MAPKBP1: variants seen among roughly 807,000 people sequenced by gnomAD.
The protein encoded by MAPKBP1 is mitogen-activated protein kinase-binding protein 1.
In MAPKBP1, 71 loss-of-function variants were observed where a neutral mutation model predicts 170.5. The ratio of observed to expected loss-of-function variants is 0.42; its 90% confidence interval spans 0.34 to 0.51. The LOEUF (loss-of-function observed/expected upper bound fraction) is 0.51. Among genes scored for constraint, MAPKBP1 ranks in the 20% least tolerant of loss-of-function variants. MAPKBP1 has a pLI of 0.06. For synonymous variants in MAPKBP1, 719 were observed against 757.9 expected, an observed-to-expected ratio of 0.95 and a Z score of 0.84; for missense variants, 1,598 against 1,933.0, an observed-to-expected ratio of 0.83 and a Z score of 3.25.
In MAPKBP1 at chr15:41,821,638, A is replaced by T. The variant is rs1184390084; in HGVS notation, c.2773A>T (p.Ile925Phe). Residue 925 changes from isoleucine to phenylalanine, a missense_variant, in exon 24 of 31, where the codon ATC becomes TTC. Transcript: ENST00000457542. Reference protein sequence around the residue: ...ASQPCSYPHIIRLLSQEEGVF... With the variant: ...ASQPCSYPHIFRLLSQEEGVF... ...CCAACCTTGTTCCTATCCCCATATT[A>T]TCCGATTATTGTCACAAGAGGAAGG... is the stretch of plus-strand genomic sequence containing the variant. 83 of 1,613,648 alleles carry T rather than the reference A, an allele frequency of 5.1e-5. No homozygotes were observed. Among genetic ancestry groups the T allele is most frequent in the Non-Finnish European group, 6.8e-5 (80 of 1,179,938 alleles).
chr15:41,775,324 A>C lies in MAPKBP1; in HGVS notation c.49A>C (p.Arg17=). 1 of 1,614,166 alleles carries C rather than the reference A, an allele frequency of 6.2e-7. No individual in the cohort carries two copies. The highest frequency in any genetic ancestry group is 8.5e-7 in the Non-Finnish European group (1 of 1,180,010). ...TACCAGCCGGATCAAGAATCTGTTGAGATCTCCATCCATCAAACTGCGCAG... is the reference window on the plus strand; with the variant it reads ...TACCAGCCGGATCAAGAATCTGTTGCGATCTCCATCCATCAAACTGCGCAG... The part of the protein sequence containing the change: ...TITSRIKNLL[R]SPSIKLRRSK... The change falls in exon 2 of 31, where the codon AGA becomes CGA. Residue 17 remains arginine, a synonymous_variant. Coordinates refer to ENST00000457542, the MANE Select transcript of MAPKBP1 (RefSeq NM_014994.3).
intron 9 of MAPKBP1, 43 bp from the exon 10 acceptor site, chr15:41,814,507 A>C: frequency 6.3e-7 from 1 of 1,579,278 alleles, no homozygotes; most frequent in Non-Finnish European, 8.6e-7. Flanking sequence ...TTCTCTTTTC[A>C]TTCCCTTCAG....
intron 26 of MAPKBP1, 52 bp from the exon 27 acceptor site, chr15:41,822,541 G>A (rs1346856955): frequency 9.3e-6 from 15 of 1,608,766 alleles, no homozygotes; most frequent in Non-Finnish European, 1.2e-5. Context: ...GGCAAAATCT[G>A]GGGCAAGGGC....
At chr15:41,778,533 G>A (rs1567131201) in intron 2 of MAPKBP1, among the ~76,000 whole-genome samples, 1 of 151,982 alleles carries the variant, frequency 6.6e-6, no homozygotes, top group Non-Finnish European at 1.5e-5. Flanking sequence ...AGAGGGAGGG[G>A]AGTCTCTTCA....
chr15:41,799,187 G>A (rs1197671), intron 2 of MAPKBP1, among the ~76,000 whole-genome samples: 107,695 of 151,818 alleles, frequency 0.71, 38,641 homozygotes, highest in East Asian at 0.98. Context: ...TTGCGGCTTA[G>A]TAATAATAAT....
In MAPKBP1 at chr15:41,824,148, GT is replaced by G. The variant is rs1330812369; in HGVS notation, c.4213+88del. ...CGCTGTCTGGCTCCATCCCATTTCT[GT>G]GGGTACAGCTTCTGGTGTTTCTTGT... On this transcript the variant is annotated intron_variant, in intron 29 of 30. Transcript: ENST00000457542. 5.4e-6 allele frequency: 8 copies of G among 1,490,478 alleles called. No individual in the cohort carries two copies. In the African/African-American group the frequency reaches 1.1e-4, roughly 21 times the overall value. The allele number at this position is 1,490,478 out of a possible 1,614,324, so 92.3% of individuals were successfully genotyped here.
At chr15:41,823,326 G>A (rs1484055376) in intron 28 of MAPKBP1, 104 bp downstream of exon 28, 1 of 1,545,790 alleles carries the variant, frequency 6.5e-7, no homozygotes, top group Non-Finnish European at 8.7e-7. Flanking sequence ...CCACTGTGCT[G>A]GCCACTAGGT....
intron 2 of MAPKBP1, among the ~76,000 whole-genome samples, chr15:41,794,839 G>T (rs2064459077): frequency 6.6e-6 from 1 of 152,162 alleles, no homozygotes; most frequent in Non-Finnish European, 1.5e-5. Context: ...ATCAATGTTG[G>T]GTTGTTACCT....
intron 10 of MAPKBP1, 89 bp from the exon 11 acceptor site, chr15:41,815,170 C>G: frequency 6.6e-7 from 1 of 1,523,190 alleles, no homozygotes; most frequent in Non-Finnish European, 9.0e-7. Flanking sequence ...CCACCATTCC[C>G]TTTTTCGTCC....
chr15:41,806,307 G>A (rs573652810), intron 3 of MAPKBP1, among the ~76,000 whole-genome samples: 2 of 152,306 alleles, frequency 1.3e-5, no homozygotes, highest in African/African-American at 4.8e-5. Flanking sequence ...ATTTGAGCGA[G>A]GCCAGAAGCC....
In MAPKBP1 at chr15:41,827,746, GT is replaced by G. The variant is rs1195528180; in HGVS notation, c.*2311del. The G allele has an allele frequency of 1.0e-5, 2 of 197,742 alleles. No homozygotes were observed. Among genetic ancestry groups the G allele is most frequent in the African/African-American group, 4.6e-5 (2 of 43,142 alleles). 12.2% of individuals were successfully genotyped at this position (197,742 alleles called of 1,614,324 possible). ...TTTATAACTTTTATACTTTGTGCAG[GT>G]CGCGGCGCTTCCTGCCTCATCCTCG... On this transcript the variant is annotated 3_prime_UTR_variant, in exon 31 of 31. Coordinates refer to ENST00000457542, the MANE Select transcript of MAPKBP1 (RefSeq NM_014994.3).
chr15:41,805,773 T>C (rs1471605604), intron 3 of MAPKBP1, among the ~76,000 whole-genome samples: 3 of 152,152 alleles, frequency 2.0e-5, no homozygotes, highest in African/African-American at 7.2e-5. Flanking sequence ...TTACTTGCTG[T>C]AGGGTATTCG....
At chr15:41,816,710 C>A in intron 13 of MAPKBP1, 60 bp downstream of exon 13, 1 of 1,521,690 alleles carries the variant, frequency 6.6e-7, no homozygotes, top group Non-Finnish European at 9.1e-7. Context: ...CCACTTATAT[C>A]TGTCCCGGCT....
rs1231559144 is a variant in MAPKBP1, at chr15:41,827,218, C to T, written c.*1782C>T. On this transcript the variant is annotated 3_prime_UTR_variant, in exon 31 of 31. Transcript: ENST00000457542. ...TTTAGGCAGGAGAATCGCTTGAACC[C>T]TGGAGGTGGAGGTGGAGGTTGCAGT... 3 of 151,654 alleles carry T rather than the reference C, an allele frequency of 2.0e-5. No homozygotes were observed. Among genetic ancestry groups the T allele is most frequent in the East Asian group, 1.9e-4 (1 of 5,188 alleles). 9.4% of individuals were successfully genotyped at this position (151,654 alleles called of 1,614,324 possible). A position where few individuals can be genotyped will look rare whatever the true frequency, so the allele number is the denominator to read the frequency against.
intron 3 of MAPKBP1, among the ~76,000 whole-genome samples, chr15:41,808,476 G>A (rs7175346): frequency 0.49 from 73,801 of 149,286 alleles, 18,440 homozygotes; most frequent in Admixed American, 0.54. Context: ...TGCTTTTGTC[G>A]TACTTTTTTT....
intron 28 of MAPKBP1, 103 bp from the exon 29 acceptor site, chr15:41,823,344 A>C: frequency 6.5e-7 from 1 of 1,545,150 alleles, no homozygotes; most frequent in African/African-American, 1.4e-5. Context: ...GGTGTCCCTT[A>C]ATGGGCATGT....
intron 2 of MAPKBP1, among the ~76,000 whole-genome samples, chr15:41,776,347 G>A (rs2064097729): frequency 6.6e-6 from 1 of 152,226 alleles, no homozygotes; most frequent in African/African-American, 2.4e-5. Flanking sequence ...GAATGATTTA[G>A]AATGCCACTG....
Position 41,823,657 on chromosome 15 carries a change from C to A in MAPKBP1, c.3809C>A (p.Ala1270Asp). 2 of 1,614,206 alleles carry A rather than the reference C, an allele frequency of 1.2e-6. No homozygotes were observed. Among genetic ancestry groups the A allele is most frequent in the South Asian group, 2.2e-5 (2 of 91,082 alleles). Residue 1270 changes from alanine (A) to aspartate (D), a missense_variant, in exon 29 of 31, where the codon GCT (alanine) becomes GAT (aspartate). Around this residue, in one of 6 missense-constraint regions of MAPKBP1, gnomAD observed 942 missense variants for 953.2 expected, o/e 0.99. Coordinates refer to ENST00000457542, the MANE Select transcript of MAPKBP1 (RefSeq NM_014994.3). Reference protein sequence around the residue: ...ENLGLVAEPQAHAPIRVSPLS... With the variant: ...ENLGLVAEPQDHAPIRVSPLS... ...CTGGGCCTGGTGGCTGAACCTCAAG[C>A]TCATGCCCCCATCCGAGTCTCACCA...
chr15:41,819,561 G>A (rs2064957769), intron 21 of MAPKBP1, 34 bp from the exon 22 acceptor site: 1 of 1,592,884 alleles, frequency 6.3e-7, no homozygotes, highest in South Asian at 1.1e-5. Flanking sequence ...GGGGGGGCAG[G>A]AGACACTTCC....
Sources: allele counts gnomAD v4.1 joint callset (sites outside exome capture counted in the v4.1 genomes callset), GRCh38; gene constraint gnomAD v4.1.1; regional missense constraint gnomAD v4.1.1; transcripts MANE v1.5; gene names NCBI Gene and HGNC (gene_info 2026-07-23, HGNC 2026-07-21).